Variants in SASH1 observed in about 807,000 individuals in gnomAD.
SASH1 encodes SAM and SH3 domain-containing protein 1.
In SASH1, 44 loss-of-function variants were observed where a neutral mutation model predicts 125.2. The observed-to-expected ratio is 0.35, with a 90% CI of 0.28 to 0.45. SASH1 has a LOEUF of 0.45. SASH1 is among the 20% of genes least tolerant of loss of function. SASH1 has a pLI of 1.00. For missense variants in SASH1, 1,426 were observed against 1,614.5 expected (o/e 0.88, Z 2.00); for synonymous variants, 639 against 649.1 (o/e 0.98, Z 0.24).
intron 1 of SASH1, among the ~76,000 whole-genome samples, chr6:148,287,384 C>T (rs1203769473): frequency 1.3e-5 from 2 of 152,074 alleles, no homozygotes; most frequent in Non-Finnish European, 2.9e-5. Flanking sequence ...TCTTGGTGTC[C>T]AGTGGCCCCT....
At chr6:148,362,149 G>A (rs980901972) in intron 1 of SASH1, among the ~76,000 whole-genome samples, 1 of 151,384 alleles carries the variant, frequency 6.6e-6, no homozygotes, top group South Asian at 2.1e-4. Context: ...GGATGGTCTC[G>A]ATATCCTGAC....
At chr6:148,421,521 C>T (rs1014432384) in intron 2 of SASH1, among the ~76,000 whole-genome samples, 9 of 152,232 alleles carry the variant, frequency 5.9e-5, no homozygotes, top group African/African-American at 2.2e-4. Context: ...CCAGGCTGGT[C>T]TCGAACTCCT....
chr6:148,434,157 A>G (rs1776192776), intron 2 of SASH1, among the ~76,000 whole-genome samples: 1 of 140,698 alleles, frequency 7.1e-6, no homozygotes, highest in Non-Finnish European at 1.5e-5. Flanking sequence ...GCTCACTGCA[A>G]GCTCTGCCTC....
At chr6:148,446,694 G>A (rs1185846626) in intron 4 of SASH1, among the ~76,000 whole-genome samples, 1 of 152,130 alleles carries the variant, frequency 6.6e-6, no homozygotes, top group Non-Finnish European at 1.5e-5. Context: ...GTAATAATAG[G>A]TGATGCTTAT....
At chr6:148,545,915 T>A in intron 18 of SASH1, 100 bp from the exon 19 acceptor site, 1 of 1,204,090 alleles carries the variant, frequency 8.3e-7, no homozygotes, top group South Asian at 1.5e-5. Flanking sequence ...CACTCCAGTC[T>A]AAGTGACAGT....
At chr6:148,219,423 T>C in the SASH1 span, among the ~76,000 whole-genome samples, 4 of 152,130 alleles carry the variant, frequency 2.6e-5, no homozygotes, top group South Asian at 4.1e-4. Context: ...ATGATCAAAG[T>C]TCAGTCTTTA....
At chr6:148,534,339 A>G (rs1193271930) in intron 15 of SASH1, among the ~76,000 whole-genome samples, 1 of 152,208 alleles carries the variant, frequency 6.6e-6, no homozygotes, top group Admixed American at 6.5e-5. Flanking sequence ...ATCTACTAGC[A>G]TGAGTCTGCA....
intron 7 of SASH1, among the ~76,000 whole-genome samples, chr6:148,476,543 G>T (rs182001981): frequency 1.5e-4 from 23 of 152,204 alleles, no homozygotes; most frequent in African/African-American, 5.5e-4. Flanking sequence ...TTAGCCAGGC[G>T]TGGTGGCACG....
intron 8 of SASH1, among the ~76,000 whole-genome samples, chr6:148,502,154 C>A (rs62432333): frequency 6.6e-6 from 1 of 152,094 alleles, no homozygotes; most frequent in African/African-American, 2.4e-5. Flanking sequence ...AATCTGGCAA[C>A]AACTAGTTAA....
At chr6:148,421,118 AAAGGAAGAAAGGAAGGAAGG>A (rs1162935119) in intron 2 of SASH1, among the ~76,000 whole-genome samples, 1 of 80,638 alleles carries the variant, frequency 1.2e-5, no homozygotes. Context: ...AAAGGAAAAG[AAAGGAAGAAAGGAAGGAAGG>A]AAGGAAGGAA....
the SASH1 span, among the ~76,000 whole-genome samples, chr6:148,245,539 G>T: frequency 6.6e-6 from 1 of 152,128 alleles, no homozygotes; most frequent in African/African-American, 2.4e-5. Context: ...TCTCTCCTGG[G>T]GTTCTTTAGT....
chr6:148,473,579 GT>G (rs1437151957), intron 6 of SASH1, among the ~76,000 whole-genome samples: 5 of 152,218 alleles, frequency 3.3e-5, no homozygotes. Context: ...AATAATAACA[GT>G]GAAATAGCTT....
intron 7 of SASH1, among the ~76,000 whole-genome samples, chr6:148,482,332 ATTAT>A (rs1452397751): frequency 6.6e-6 from 1 of 152,234 alleles, no homozygotes; most frequent in African/African-American, 2.4e-5. Flanking sequence ...CTTAAAAATA[ATTAT>A]TTATACTAAA....
rs1174644909 is a variant in SASH1 at position 148,302,311 on chromosome 6, C to CAA, written n.74+29963_74+29964dup. Among the ~76,000 whole-genome samples the CAA allele has an allele frequency of 7.8e-3, 349 of 44,884 alleles. 32 individuals are homozygous for CAA. The highest frequency in any genetic ancestry group is 0.014 in the Admixed American group (34 of 2,482). 29.4% of individuals were successfully genotyped at this position (44,884 alleles called of 152,430 possible). On this transcript the variant is annotated intron_variant and non_coding_transcript_variant, in intron 1 of 3. Transcript: ENST00000367469. ...TGGGCGACAGAGCAAGACTCCGTCT[C>CAA]AAAAAAAAAAAAAAAAAAAAAAAAA...
intron 7 of SASH1, 96 bp downstream of exon 7, chr6:148,474,318 C>T: frequency 1.5e-6 from 1 of 667,598 alleles, no homozygotes. Flanking sequence ...AATCAGGTAC[C>T]CATGTTGTCA....
At chr6:148,515,633 G>T (rs915482773) in intron 9 of SASH1, among the ~76,000 whole-genome samples, 4 of 152,130 alleles carry the variant, frequency 2.6e-5, no homozygotes, top group Non-Finnish European at 5.9e-5. Context: ...ATCTTTTTGC[G>T]TGGTAATTCT....
the SASH1 span, among the ~76,000 whole-genome samples, chr6:148,204,510 A>G: frequency 2.6e-5 from 4 of 152,056 alleles, no homozygotes; most frequent in African/African-American, 9.7e-5. Flanking sequence ...TGGCCAATGT[A>G]GTGAAACCCC....
intron 17 of SASH1, among the ~76,000 whole-genome samples, chr6:148,542,525 T>A (rs879028879): frequency 9.9e-5 from 15 of 152,192 alleles, no homozygotes; most frequent in African/African-American, 3.6e-4. Flanking sequence ...TAGCTGGGAC[T>A]ACAGGCGCCT....
At chr6:148,429,412 A>T (rs920974525) in intron 2 of SASH1, among the ~76,000 whole-genome samples, 12 of 118,790 alleles carry the variant, frequency 1.0e-4, no homozygotes, top group East Asian at 2.7e-4. Flanking sequence ...AAAAAAAAAA[A>T]GAGGAAGGAA....
Sources: gnomAD v4.1 joint callset for allele counts (sites outside exome capture counted in the v4.1 genomes callset) on GRCh38, gnomAD v4.1.1 for gene constraint, MANE v1.5 for transcripts, NCBI Gene and HGNC (gene_info 2026-07-23, HGNC 2026-07-21) for gene names.